Variants in ASTN2 observed in about 807,000 individuals in gnomAD.
The protein encoded by ASTN2 is astrotactin-2.
ASTN2 carries 54 observed loss-of-function variants against 139.8 expected under a neutral mutation model. The observed-to-expected ratio is 0.39, with a 90% CI of 0.31 to 0.48. The LOEUF (loss-of-function observed/expected upper bound fraction) is 0.48. ASTN2 is among the 20% of genes least tolerant of loss of function. The pLI, the probability that ASTN2 is intolerant of heterozygous loss-of-function variation, is 0.95. For missense variants in ASTN2, 1,565 were observed against 1,725.1 expected, an observed-to-expected ratio of 0.91 and a Z score of 1.64; for synonymous variants, 756 against 719.5, an observed-to-expected ratio of 1.05 and a Z score of -0.81.
chr9:116,462,962 C>A (rs888964496), intron 20 of ASTN2, among the ~76,000 whole-genome samples: 1 of 152,038 alleles, frequency 6.6e-6, no homozygotes. Context: ...TCCTCACATC[C>A]CCCAAAACTG....
At chr9:117,250,859 G>C (rs1350049920) in intron 2 of ASTN2, among the ~76,000 whole-genome samples, 1 of 152,180 alleles carries the variant, frequency 6.6e-6, no homozygotes. Context: ...CTAGGAGGAA[G>C]TAATATCTCT....
intron 19 of ASTN2, among the ~76,000 whole-genome samples, chr9:116,599,530 A>T (rs1234099313): frequency 6.6e-6 from 1 of 152,178 alleles, no homozygotes; most frequent in African/African-American, 2.4e-5. Context: ...ACCTGCGTTT[A>T]GTTCTGATAT....
At chr9:116,603,536 C>G (rs543153806) in intron 19 of ASTN2, among the ~76,000 whole-genome samples, 1 of 152,246 alleles carries the variant, frequency 6.6e-6, no homozygotes, top group Non-Finnish European at 1.5e-5. Context: ...ATTGTGATGG[C>G]AAGAACCCAG....
At chr9:116,959,398 G>C (rs947556535) in intron 10 of ASTN2, among the ~76,000 whole-genome samples, 2 of 152,096 alleles carry the variant, frequency 1.3e-5, no homozygotes, top group South Asian at 4.1e-4. Context: ...AGTCCTCAAG[G>C]GCTATGAGTG....
chr9:116,481,045 C>T (rs1465428975), intron 20 of ASTN2, among the ~76,000 whole-genome samples: 1 of 152,138 alleles, frequency 6.6e-6, no homozygotes, highest in Non-Finnish European at 1.5e-5. Context: ...TCATTGTATC[C>T]TCATAACCCT....
rs1299958988 is a variant in ASTN2 at position 117,120,014 on chromosome 9, GTGTGTATATA to G, written c.1168+21302_1168+21311del. ...TATGTGTGTGTGTGTGTGTGTGTGT[GTGTGTATATA>G]TATATATATATATATATATATATAT... On this transcript the variant is annotated intron_variant, in intron 4 of 22. Transcript: ENST00000313400. 2.0e-4 allele frequency among the ~76,000 whole-genome samples: 7 copies of G among 35,334 alleles called. No homozygotes were observed. In the East Asian group the frequency reaches 6.0e-3, roughly 30 times the overall value. 23.2% of individuals were successfully genotyped at this position (35,334 alleles called of 152,430 possible).
At chr9:117,133,290 G>C (rs1343594555) in intron 4 of ASTN2, among the ~76,000 whole-genome samples, 2 of 152,172 alleles carry the variant, frequency 1.3e-5, no homozygotes. Context: ...AATTCTCCCA[G>C]CCTCCCTGTG....
chr9:116,652,045 G>A (rs1857947340), intron 16 of ASTN2, among the ~76,000 whole-genome samples: 4 of 152,064 alleles, frequency 2.6e-5, no homozygotes, highest in African/African-American at 9.7e-5. Flanking sequence ...TTTCCCGTAT[G>A]TAAAGTTGGG....
chr9:117,045,344 G>GTTTTTTTTTTTT, intron 5 of ASTN2, among the ~76,000 whole-genome samples: 1 of 150,158 alleles, frequency 6.7e-6, no homozygotes. Flanking sequence ...AGAAGGCTGA[G>GTTTTTTTTTTTT]GTCACAGTTC....
At chr9:116,807,289 T>C (rs1022802913) in intron 12 of ASTN2, among the ~76,000 whole-genome samples, 20 of 152,188 alleles carry the variant, frequency 1.3e-4, no homozygotes, top group Non-Finnish European at 1.6e-4. Flanking sequence ...AACCAGTAGC[T>C]GATGCTACAG....
At chr9:117,389,582 T>C (rs1053802738) in intron 1 of ASTN2, among the ~76,000 whole-genome samples, 2 of 152,100 alleles carry the variant, frequency 1.3e-5, no homozygotes, top group African/African-American at 4.8e-5. Context: ...ATTTAGCTCT[T>C]CCCCAGTGGT....
At chr9:116,801,577 C>T (rs1830852439) in intron 13 of ASTN2, among the ~76,000 whole-genome samples, 1 of 82,198 alleles carries the variant, frequency 1.2e-5, no homozygotes, top group South Asian at 5.6e-4. Context: ...CAGTGTGAGG[C>T]TCTGTCTCAA....
intron 11 of ASTN2, among the ~76,000 whole-genome samples, chr9:116,821,763 A>G (rs1477997993): frequency 2.6e-5 from 4 of 152,066 alleles, no homozygotes; most frequent in Non-Finnish European, 1.5e-5. Context: ...AAGGAGTTCA[A>G]CCTTCAATGG....
At chr9:116,844,955 T>G (rs565804710) in intron 11 of ASTN2, among the ~76,000 whole-genome samples, 1 of 152,248 alleles carries the variant, frequency 6.6e-6, no homozygotes, top group South Asian at 2.1e-4. Context: ...GGCCCACACT[T>G]CTATGAGATT....
intron 11 of ASTN2, among the ~76,000 whole-genome samples, chr9:116,861,732 A>G (rs771356507): frequency 1.4e-4 from 21 of 152,208 alleles, no homozygotes; most frequent in Non-Finnish European, 3.1e-4. Flanking sequence ...TGGTGCAGGG[A>G]TAAATGGGCA....
intron 19 of ASTN2, among the ~76,000 whole-genome samples, chr9:116,599,636 G>T (rs867576409): frequency 1.3e-4 from 20 of 152,330 alleles, no homozygotes; most frequent in Middle Eastern, 3.4e-3. Context: ...GAATATAGGG[G>T]CAAGATAAGA....
chr9:117,128,336 G>C (rs1383082592), intron 4 of ASTN2, among the ~76,000 whole-genome samples: 1 of 132,164 alleles, frequency 7.6e-6, no homozygotes, highest in Non-Finnish European at 1.5e-5. Flanking sequence ...TCCCATCACT[G>C]CACTCCAGCC....
chr9:117,080,492 G>GA (rs35722326), intron 5 of ASTN2, among the ~76,000 whole-genome samples: 7 of 151,538 alleles, frequency 4.6e-5, no homozygotes, highest in Non-Finnish European at 5.9e-5. Flanking sequence ...AATGCCGAGT[G>GA]AAAAAAAACA....
Position 116,932,643 on chromosome 9 carries a change from A to G in ASTN2, c.1889+42565T>C, listed in dbSNP as rs571096355. ...CAGGGACGCAGGAACAGAAAGCTAC[A>G]GGAACCTGGAGTTCTGCATGGAGCA... On this transcript the variant is annotated intron_variant, in intron 10 of 22. Coordinates refer to ENST00000313400, the MANE Select transcript of ASTN2 (RefSeq NM_001365068.1). Among the ~76,000 whole-genome samples the G allele has an allele frequency of 3.3e-5, 5 of 152,242 alleles. No homozygotes were observed. In the East Asian group the frequency reaches 9.7e-4, roughly 29 times the overall value.
Sources: allele counts gnomAD v4.1 joint callset (sites outside exome capture counted in the v4.1 genomes callset), GRCh38; gene constraint gnomAD v4.1.1; transcripts MANE v1.5; gene names NCBI Gene and HGNC (gene_info 2026-07-23, HGNC 2026-07-21).